PTPRD: variants seen among roughly 807,000 people sequenced by gnomAD.
PTPRD encodes protein tyrosine phosphatase receptor type D, also known as receptor-type tyrosine-protein phosphatase delta.
In PTPRD, 34 loss-of-function variants were observed where a neutral mutation model predicts 214.5. The observed-to-expected ratio is 0.16, with a 90% CI of 0.12 to 0.21. The LOEUF is 0.21. Ranked by LOEUF, PTPRD falls within the 10% of genes least tolerant of loss-of-function variation. The probability of loss-of-function intolerance (pLI) is 1.00; values close to 1 mark genes in which losing one functional copy is unlikely to be tolerated. For missense variants in PTPRD, 2,545 were observed against 2,398.7 expected (o/e 1.06, Z -1.27); for synonymous variants, 1,128 against 845.7 (o/e 1.33, Z -5.79).
intron 11 of PTPRD, chr9:8,860,236 A>C (rs971933893): frequency 6.6e-6 from 1 of 152,228 alleles, no homozygotes; most frequent in African/African-American, 2.4e-5. Context: ...TTTAAGAAGA[A>C]CCCAGCTGGT....
chr9:8,410,088 T>C, intron 35 of PTPRD, among the ~76,000 whole-genome samples: 1 of 152,230 alleles, frequency 6.6e-6, no homozygotes, highest in East Asian at 1.9e-4. Flanking sequence ...AAAATTCTCA[T>C]TCATTGTCTC....
At chr9:9,300,479 T>C (rs1025723125) in intron 9 of PTPRD, among the ~76,000 whole-genome samples, 6 of 151,932 alleles carry the variant, frequency 3.9e-5, no homozygotes, top group Admixed American at 3.9e-4. Flanking sequence ...CTGACAGCAA[T>C]GGACTGAATG....
At chr9:9,108,260 T>C (rs760146568) in intron 10 of PTPRD, among the ~76,000 whole-genome samples, 4 of 152,150 alleles carry the variant, frequency 2.6e-5, no homozygotes, top group African/African-American at 4.8e-5. Context: ...ACCTTTTGTT[T>C]TCATTTTCTT....
intron 2 of PTPRD, among the ~76,000 whole-genome samples, chr9:10,511,819 A>G (rs2048137517): frequency 6.8e-6 from 1 of 147,888 alleles, no homozygotes; most frequent in Admixed American, 6.7e-5. Context: ...TTCTCCATAT[A>G]CATCTTATAA....
At chr9:9,615,697 G>A (rs548666384) in intron 7 of PTPRD, among the ~76,000 whole-genome samples, 9 of 152,216 alleles carry the variant, frequency 5.9e-5, no homozygotes, top group African/African-American at 1.9e-4. Context: ...GCTATCATAA[G>A]GGCTACTACT....
intron 2 of PTPRD, among the ~76,000 whole-genome samples, chr9:10,504,544 T>C (rs910563558): frequency 2.0e-5 from 3 of 152,180 alleles, no homozygotes; most frequent in Non-Finnish European, 4.4e-5. Flanking sequence ...GGGAGAGCCA[T>C]ATCAATTCAG....
intron 7 of PTPRD, among the ~76,000 whole-genome samples, chr9:9,596,803 G>C (rs2093386934): frequency 1.3e-5 from 2 of 151,914 alleles, no homozygotes; most frequent in Non-Finnish European, 2.9e-5. Context: ...TGCAAATATA[G>C]AAATATAAAA....
intron 6 of PTPRD, among the ~76,000 whole-genome samples, chr9:9,753,593 C>A (rs1157958804): frequency 6.6e-6 from 1 of 151,874 alleles, no homozygotes; most frequent in Non-Finnish European, 1.5e-5. Context: ...CAACAGTCTG[C>A]CAGAGTGATG....
chr9:8,925,407 G>T (rs1197694895), intron 11 of PTPRD, among the ~76,000 whole-genome samples: 3 of 151,982 alleles, frequency 2.0e-5, no homozygotes, highest in Non-Finnish European at 4.4e-5. Context: ...GGTGAAAAAT[G>T]TCAAAAGCAA....
intron 11 of PTPRD, among the ~76,000 whole-genome samples, chr9:8,947,483 A>T (rs1457718140): frequency 1.3e-5 from 2 of 151,658 alleles, no homozygotes; most frequent in Admixed American, 6.6e-5. Flanking sequence ...AAAAAAAGAA[A>T]AAAGAAAAAA....
chr9:10,276,915 C>T (rs543239264), intron 3 of PTPRD, among the ~76,000 whole-genome samples: 27 of 152,126 alleles, frequency 1.8e-4, no homozygotes, highest in Non-Finnish European at 3.5e-4. Context: ...CAATCAGAAT[C>T]TAAATGTAAT....
chr9:9,307,286 C>T (rs1453224363), intron 9 of PTPRD, among the ~76,000 whole-genome samples: 1 of 152,110 alleles, frequency 6.6e-6, no homozygotes, highest in African/African-American at 2.4e-5. Context: ...AAATTTGGTT[C>T]AGTTTCTCTC....
rs141626154 is a variant in PTPRD, at chr9:8,574,166, C to T, written c.353-45387G>A. Among the ~76,000 whole-genome samples, 436 of 152,024 alleles carry T rather than the reference C, an allele frequency of 2.9e-3. 2 individuals are homozygous for T. Among genetic ancestry groups the T allele is most frequent in the African/African-American group, 1.0e-2 (414 of 41,532 alleles). ...CACAATTTAGTCTTTCAGATTGAAA[C>T]ATGTCTTAATTCATCTCAAGAAAAG... On this transcript the variant is annotated intron_variant, in intron 14 of 45. Coordinates refer to ENST00000381196, the MANE Select transcript of PTPRD (RefSeq NM_002839.4).
intron 2 of PTPRD, among the ~76,000 whole-genome samples, chr9:10,599,558 C>T (rs10959194): frequency 0.33 from 49,734 of 151,326 alleles, 8,807 homozygotes; most frequent in East Asian, 0.49. Flanking sequence ...CTTAGACTGG[C>T]TATTCTATGG....
At chr9:9,887,650 A>T (rs1220530967) in intron 5 of PTPRD, among the ~76,000 whole-genome samples, 1 of 152,152 alleles carries the variant, frequency 6.6e-6, no homozygotes, top group Non-Finnish European at 1.5e-5. Context: ...TGGTTGCATG[A>T]GGCGTAGTAG....
intron 11 of PTPRD, among the ~76,000 whole-genome samples, chr9:8,994,359 T>C (rs575274550): frequency 6.6e-6 from 1 of 152,146 alleles, no homozygotes; most frequent in Non-Finnish European, 1.5e-5. Flanking sequence ...TGTAGATAGT[T>C]CCTTCAACAA....
chr9:9,920,473 G>C lies in PTPRD; in HGVS notation c.-368+18034C>G, dbSNP rs1489929680. Among the ~76,000 whole-genome samples the C allele has an allele frequency of 2.6e-5, 4 of 152,098 alleles. No homozygotes were observed. The East Asian group carries it at 5.8e-4, about 22-fold the overall frequency. ...GCAGGGAGGCTTTAGCTTCATTAAA[G>C]AACATTATTATAAAAATAAAATGAT... On this transcript the variant is annotated intron_variant, in intron 5 of 45. Coordinates refer to ENST00000381196, the MANE Select transcript of PTPRD (RefSeq NM_002839.4).
intron 8 of PTPRD, among the ~76,000 whole-genome samples, chr9:9,526,937 A>G (rs2074262842): frequency 6.6e-6 from 1 of 152,140 alleles, no homozygotes; most frequent in Admixed American, 6.5e-5. Context: ...ACTGTCAATA[A>G]AAGTTGGAGT....
At chr9:9,723,707 T>C (rs1332257380) in intron 7 of PTPRD, among the ~76,000 whole-genome samples, 2 of 152,042 alleles carry the variant, frequency 1.3e-5, no homozygotes, top group Non-Finnish European at 2.9e-5. Flanking sequence ...TTAATTGAAG[T>C]TTTCTGAATA....
Sources: allele counts gnomAD v4.1 joint callset (sites outside exome capture counted in the v4.1 genomes callset), GRCh38; gene constraint gnomAD v4.1.1; transcripts MANE v1.5; gene names NCBI Gene and HGNC (gene_info 2026-07-23, HGNC 2026-07-21).